Variants in PTPRD observed in about 807,000 individuals in gnomAD.
PTPRD encodes protein tyrosine phosphatase receptor type D.
PTPRD carries 34 observed loss-of-function variants against 214.5 expected under a neutral mutation model. The ratio of observed to expected loss-of-function variants is 0.16; its 90% CI spans 0.12 to 0.21. The LOEUF (loss-of-function observed/expected upper bound fraction) is 0.21, where lower values mean the gene tolerates loss of function less well. Ranked by LOEUF, PTPRD falls within the 10% of genes least tolerant of loss-of-function variation. The pLI, the probability that PTPRD is intolerant of heterozygous loss-of-function variation, is 1.00. For synonymous variants in PTPRD, 1,128 were observed against 845.7 expected, an observed-to-expected ratio of 1.33 and a Z score of -5.79; for missense variants, 2,545 against 2,398.7, an observed-to-expected ratio of 1.06 and a Z score of -1.27.
At chr9:8,899,984 T>A (rs2098653974) in intron 11 of PTPRD, among the ~76,000 whole-genome samples, 1 of 152,194 alleles carries the variant, frequency 6.6e-6, no homozygotes, top group Non-Finnish European at 1.5e-5. Context: ...CTTGAACACA[T>A]CTTCTTTTTG....
intron 5 of PTPRD, among the ~76,000 whole-genome samples, chr9:9,841,813 T>G (rs1022561635): frequency 1.3e-5 from 2 of 152,158 alleles, no homozygotes; most frequent in Non-Finnish European, 2.9e-5. Context: ...AGGACATTCA[T>G]GTACCTTAGG....
At chr9:8,703,134 C>T (rs2098126621) in intron 12 of PTPRD, among the ~76,000 whole-genome samples, 1 of 152,096 alleles carries the variant, frequency 6.6e-6, no homozygotes, top group Non-Finnish European at 1.5e-5. Flanking sequence ...GGGATTATAC[C>T]AATAGTGAAT....
At chr9:9,184,184 T>C (rs1305559372) in intron 9 of PTPRD, among the ~76,000 whole-genome samples, 2 of 151,968 alleles carry the variant, frequency 1.3e-5, no homozygotes, top group Non-Finnish European at 2.9e-5. Flanking sequence ...GTTAGATGAA[T>C]CTCCTAGATG....
chr9:9,561,724 C>A (rs2083003820), intron 8 of PTPRD, among the ~76,000 whole-genome samples: 1 of 152,170 alleles, frequency 6.6e-6, no homozygotes, highest in Non-Finnish European at 1.5e-5. Flanking sequence ...TGGTAAAAAT[C>A]TGTTTCTCTT....
intron 11 of PTPRD, among the ~76,000 whole-genome samples, chr9:8,985,906 C>A (rs2099342057): frequency 6.6e-6 from 1 of 152,048 alleles, no homozygotes; most frequent in African/African-American, 2.4e-5. Context: ...AACAAAATTA[C>A]TTTTCTTCTT....
intron 3 of PTPRD, among the ~76,000 whole-genome samples, chr9:10,316,270 AATT>A (rs2096429142): frequency 2.6e-5 from 4 of 151,432 alleles, no homozygotes; most frequent in Non-Finnish European, 5.9e-5. Flanking sequence ...TATTCCCAAT[AATT>A]TAATAATTTA....
chr9:8,315,898 C>T lies in PTPRD; in HGVS notation c.*1976G>A. The T allele has an allele frequency of 4.4e-6, 1 of 225,456 alleles. No homozygotes were observed. Among genetic ancestry groups the T allele is most frequent in the South Asian group, 1.8e-4 (1 of 5,430 alleles). 14.0% of individuals were successfully genotyped at this position (225,456 alleles called of 1,614,324 possible). On this transcript the variant is annotated 3_prime_UTR_variant, in exon 46 of 46. Coordinates refer to ENST00000381196, the MANE Select transcript of PTPRD (RefSeq NM_002839.4). ...GGCAAACTTATGCCATCATCCATGG[C>T]TTCCTATAGAAATTCTGTTGGAAGA...
intron 7 of PTPRD, among the ~76,000 whole-genome samples, chr9:9,625,776 G>T (rs1236104965): frequency 6.6e-6 from 1 of 152,068 alleles, no homozygotes. Flanking sequence ...TTATCCGAAC[G>T]GCCAGCAAAG....
At position 9,887,334 on chromosome 9, in the gene PTPRD, T is replaced by C. The variant is rs865793350; in HGVS notation, c.-368+51173A>G. The stretch of plus-strand genomic sequence containing the variant: ...TACCTCTATGTTTTTGTCACTGAGA[T>C]ATGAATCCTCAAGAGAAAGAGCTAT... On this transcript the variant is annotated intron_variant, in intron 5 of 45. Transcript: ENST00000381196. Among the ~76,000 whole-genome samples, 6 of 152,142 alleles carry C rather than the reference T, an allele frequency of 3.9e-5. No individual in the cohort carries two copies. In the South Asian group the frequency reaches 6.2e-4, roughly 16 times the overall value.
chr9:10,283,233 G>C (rs567913837), intron 3 of PTPRD, among the ~76,000 whole-genome samples: 2 of 151,752 alleles, frequency 1.3e-5, no homozygotes, highest in African/African-American at 4.8e-5. Flanking sequence ...CCCAAAACTA[G>C]GACACATGTC....
intron 2 of PTPRD, among the ~76,000 whole-genome samples, chr9:10,385,504 G>A (rs573019713): frequency 1.3e-5 from 2 of 151,868 alleles, no homozygotes; most frequent in South Asian, 4.2e-4. Flanking sequence ...GATTCTTAAT[G>A]TAAGTAAGTT....
chr9:9,393,809 C>T (rs1417281748), intron 9 of PTPRD, among the ~76,000 whole-genome samples: 2 of 152,120 alleles, frequency 1.3e-5, no homozygotes, highest in Non-Finnish European at 2.9e-5. Flanking sequence ...TAATTTAGCA[C>T]AAGGCCTGAG....
At chr9:9,323,189 C>A (rs1009581738) in intron 9 of PTPRD, among the ~76,000 whole-genome samples, 3 of 151,710 alleles carry the variant, frequency 2.0e-5, no homozygotes, top group South Asian at 2.1e-4. Flanking sequence ...ATTATACCAT[C>A]CAAATCATTA....
chr9:8,676,619 G>A (rs2097425173), intron 12 of PTPRD, among the ~76,000 whole-genome samples: 2 of 151,990 alleles, frequency 1.3e-5, no homozygotes, highest in Non-Finnish European at 1.5e-5. Flanking sequence ...TGTTGCCCAG[G>A]CTGGAGTGCA....
intron 3 of PTPRD, among the ~76,000 whole-genome samples, chr9:10,135,874 G>T (rs924329892): frequency 1.3e-5 from 2 of 150,858 alleles, no homozygotes; most frequent in South Asian, 4.2e-4. Flanking sequence ...AAAACTCACA[G>T]ATCAACATTA....
intron 35 of PTPRD, among the ~76,000 whole-genome samples, chr9:8,409,825 A>C (rs1190702615): frequency 6.6e-6 from 1 of 152,200 alleles, no homozygotes. Flanking sequence ...CAACTAACAA[A>C]AATTTAATTA....
At chr9:9,040,816 A>C (rs1428122792) in intron 10 of PTPRD, among the ~76,000 whole-genome samples, 1 of 152,178 alleles carries the variant, frequency 6.6e-6, no homozygotes, top group Non-Finnish European at 1.5e-5. Flanking sequence ...ACTTGCAGCT[A>C]ATGTTGCTTG....
chr9:9,218,074 G>C (rs975766417), intron 9 of PTPRD, among the ~76,000 whole-genome samples: 4 of 152,062 alleles, frequency 2.6e-5, no homozygotes, highest in African/African-American at 7.2e-5. Context: ...AGGAACACCT[G>C]ATCTTCAGGC....
chr9:9,677,261 G>A (rs1231477067), intron 7 of PTPRD, among the ~76,000 whole-genome samples: 8 of 151,930 alleles, frequency 5.3e-5, no homozygotes, highest in African/African-American at 1.5e-4. Flanking sequence ...TATGGTTTTA[G>A]GTCTAACATT....
Sources: allele counts gnomAD v4.1 joint callset (sites outside exome capture counted in the v4.1 genomes callset), GRCh38; gene constraint gnomAD v4.1.1; transcripts MANE v1.5; gene names NCBI Gene and HGNC (gene_info 2026-07-23, HGNC 2026-07-21).